WDR27: variants seen among roughly 807,000 people sequenced by gnomAD.
WDR27 encodes the protein WD repeat domain 27, also known as WD repeat-containing protein 27.
WDR27 carries 100 observed loss-of-function variants against 114.4 expected under a neutral mutation model. The observed-to-expected ratio is 0.87, with a 90% CI of 0.74 to 1.03. The LOEUF is 1.03. Ranked by LOEUF, WDR27 falls within the 50% of genes least tolerant of loss-of-function variation. The probability of loss-of-function intolerance (pLI) is 0.00; values close to 1 mark genes in which losing one functional copy is unlikely to be tolerated. For missense variants in WDR27, 1,129 were observed against 1,092.9 expected (o/e 1.03, Z -0.47); for synonymous variants, 449 against 423.1 (o/e 1.06, Z -0.75).
intron 23 of WDR27, among the ~76,000 whole-genome samples, chr6:169,597,591 T>A (rs1040571666): frequency 6.6e-6 from 1 of 152,106 alleles, no homozygotes; most frequent in Non-Finnish European, 1.5e-5. Flanking sequence ...CATTGGGAAT[T>A]CCCACCCTAC....
chr6:169,612,160 G>A (rs548733103), intron 22 of WDR27, among the ~76,000 whole-genome samples: 9 of 150,956 alleles, frequency 6.0e-5, no homozygotes, highest in Non-Finnish European at 8.9e-5. Context: ...GGCTGGGCAC[G>A]GTGGCTCATG....
intron 13 of WDR27, chr6:169,657,667 C>T (rs1824614429): frequency 1.3e-5 from 2 of 152,552 alleles, no homozygotes; most frequent in Admixed American, 1.3e-4. Context: ...ATGACGTTTA[C>T]CATCTTAAAG....
At chr6:169,456,168 T>C (rs1028094270), downstream of WDR27, among the ~76,000 whole-genome samples, 1 of 152,196 alleles carries the variant, frequency 6.6e-6, no homozygotes, top group African/African-American at 2.4e-5. This position sits in a 1 kb window ranked among gnomAD's most constrained non-coding sequence, Gnocchi z 4.0. Flanking sequence ...TTTAAAATGT[T>C]TAGGTAACTC....
chr6:169,575,870 A>C (rs892594593), intron 24 of WDR27, among the ~76,000 whole-genome samples: 1 of 152,258 alleles, frequency 6.6e-6, no homozygotes, highest in Non-Finnish European at 1.5e-5. Flanking sequence ...GGAAGGATGA[A>C]TATTTTAAGG....
intron 23 of WDR27, among the ~76,000 whole-genome samples, chr6:169,589,243 TA>T (rs1226620584): frequency 6.6e-6 from 1 of 152,178 alleles, no homozygotes; most frequent in Non-Finnish European, 1.5e-5. Context: ...AATGATAAAA[TA>T]CAGAGGTTAA....
chr6:169,610,181 A>G (rs553908758), intron 22 of WDR27, among the ~76,000 whole-genome samples: 23 of 152,280 alleles, frequency 1.5e-4, no homozygotes, highest in Admixed American at 1.2e-3. Flanking sequence ...GAGCCCTCCA[A>G]ACTGTTCCAA....
intron 14 of WDR27, among the ~76,000 whole-genome samples, chr6:169,650,167 T>C: frequency 7.8e-6 from 1 of 128,326 alleles, no homozygotes; most frequent in South Asian, 2.9e-4. Context: ...CCTCCATCCA[T>C]CCCTCTACTT....
intron 1 of WDR27, among the ~76,000 whole-genome samples, chr6:169,697,453 T>G (rs570198168): frequency 6.6e-6 from 1 of 152,228 alleles, no homozygotes; most frequent in East Asian, 1.9e-4. Flanking sequence ...CCCGGAGAGT[T>G]TAGAGAAGAC....
intron 25 of WDR27, among the ~76,000 whole-genome samples, chr6:169,568,990 G>A (rs930355438): frequency 1.3e-5 from 2 of 152,198 alleles, no homozygotes; most frequent in East Asian, 1.9e-4. Flanking sequence ...GTCCCTGCTC[G>A]CTCCCAAGAG....
chr6:169,675,823 C>T (rs902812012), intron 2 of WDR27, among the ~76,000 whole-genome samples: 12 of 152,136 alleles, frequency 7.9e-5, no homozygotes, highest in African/African-American at 1.7e-4. Flanking sequence ...TTTTTCTTAT[C>T]GGACTTAAAA....
At chr6:169,611,791 G>A (rs1318174258) in intron 22 of WDR27, among the ~76,000 whole-genome samples, 1 of 152,122 alleles carries the variant, frequency 6.6e-6, no homozygotes, top group Non-Finnish European at 1.5e-5. Context: ...TGGTCCCACT[G>A]GAAGGTCTTC....
the WDR27 span, among the ~76,000 whole-genome samples, chr6:169,445,678 T>G: frequency 6.6e-6 from 1 of 152,248 alleles, no homozygotes; most frequent in Non-Finnish European, 1.5e-5. Flanking sequence ...AACTATGAAA[T>G]GCACCTGAGA....
chr6:169,434,222 G>T, the WDR27 span, among the ~76,000 whole-genome samples: 2 of 152,276 alleles, frequency 1.3e-5, no homozygotes, highest in African/African-American at 4.8e-5. Context: ...ATGGTTTTAG[G>T]TTTTACATTT....
At chr6:169,698,933 G>A (rs1787032786) in intron 1 of WDR27, among the ~76,000 whole-genome samples, 1 of 152,212 alleles carries the variant, frequency 6.6e-6, no homozygotes, top group Non-Finnish European at 1.5e-5. Context: ...ACTGATGTGG[G>A]TACCTTGAAG....
chr6:169,457,718 T>C, intron 25 of WDR27, 84 bp from the exon 26 acceptor site: 1 of 998,070 alleles, frequency 1.0e-6, no homozygotes, highest in Non-Finnish European at 1.5e-6. Flanking sequence ...CCAAAGTGTG[T>C]TATTTTCCTT....
In WDR27 at chr6:169,638,310, G is replaced by A. The variant is rs558970999; in HGVS notation, c.1869+229C>T. Reference sequence around the variant, plus strand: ...CGCAGTCCGACCTGGGCGACAGAGCGAGACTCCGTCTCAAAAAAAAAAAAA... The same window carrying A: ...CGCAGTCCGACCTGGGCGACAGAGCAAGACTCCGTCTCAAAAAAAAAAAAA... On this transcript the variant is annotated intron_variant, in intron 18 of 25. Transcript: ENST00000448612. 3.6e-3 allele frequency among the ~76,000 whole-genome samples: 192 copies of A among 53,756 alleles called. 34 individuals are homozygous for A. The highest frequency in any genetic ancestry group is 0.026 in the African/African-American group (153 of 5,982). The allele number at this position is 53,756 out of a possible 152,430, so 35.3% of individuals were successfully genotyped here. A position where few individuals can be genotyped will look rare whatever the true frequency, so the allele number is the denominator to read the frequency against.
chr6:169,637,776 T>C (rs1430163521), intron 18 of WDR27, among the ~76,000 whole-genome samples: 2 of 152,040 alleles, frequency 1.3e-5, no homozygotes, highest in Admixed American at 6.6e-5. Flanking sequence ...TATGCATCTA[T>C]ATGCGTGTGC....
intron 7 of WDR27, 137 bp from the exon 8 acceptor site, chr6:169,664,423 A>G: frequency 1.3e-6 from 2 of 1,530,598 alleles, no homozygotes; most frequent in African/African-American, 2.7e-5. Context: ...CTCCCGGCAC[A>G]GCTGTCTCCT....
intron 13 of WDR27, among the ~76,000 whole-genome samples, chr6:169,652,964 TAAAG>T (rs749631633): frequency 6.7e-6 from 1 of 148,880 alleles, no homozygotes; most frequent in Non-Finnish European, 1.5e-5. Context: ...GAAGAAAAGC[TAAAG>T]AAACAAACAT....
Sources: gnomAD v4.1 joint callset for allele counts (sites outside exome capture counted in the v4.1 genomes callset) on GRCh38, gnomAD v4.1.1 for gene constraint, Gnocchi (gnomAD v3.1) non-coding constraint, MANE v1.5 for transcripts, NCBI Gene and HGNC (gene_info 2026-07-23, HGNC 2026-07-21) for gene names.